NAV3: variants seen among roughly 807,000 people sequenced by gnomAD.
NAV3 encodes pore membrane and/or filament interacting like protein 1.
NAV3 carries 87 observed loss-of-function variants against 244.7 expected under a neutral mutation model. The observed-to-expected ratio is 0.36, with a 90% CI of 0.30 to 0.42. The LOEUF (loss-of-function observed/expected upper bound fraction) is 0.42. Ranked by LOEUF, NAV3 falls within the 20% of genes least tolerant of loss-of-function variation. The pLI is 1.00. For missense variants in NAV3, 2,663 were observed against 2,893.3 expected (o/e 0.92, Z 1.83); for synonymous variants, 1,126 against 1,042.2 (o/e 1.08, Z -1.55).
chr12:78,033,116 A>C (rs1050603726), intron 9 of NAV3, among the ~76,000 whole-genome samples: 1 of 152,172 alleles, frequency 6.6e-6, no homozygotes, highest in Non-Finnish European at 1.5e-5. Context: ...AAATAGAAGA[A>C]TTTAGGTTAA....
chr12:77,707,374 C>T lies in NAV3; in HGVS notation c.72+135108C>T, dbSNP rs186786656. 3.2e-4 allele frequency among the ~76,000 whole-genome samples: 48 copies of T among 152,218 alleles called. No individual in the cohort carries two copies. In the East Asian group the frequency reaches 9.1e-3, roughly 29 times the overall value. ...GTTTCCAGCTTCATCCATGTCCCTA[C>T]AAAGGACATGAACTCATCCTTTTTT... On this transcript the variant is annotated intron_variant, in intron 2 of 8. Transcript: ENST00000550042.
intron 5 of NAV3, among the ~76,000 whole-genome samples, chr12:77,994,242 A>T (rs1871948142): frequency 6.6e-6 from 1 of 152,238 alleles, no homozygotes; most frequent in African/African-American, 2.4e-5. Context: ...AACATCTTTT[A>T]TTGACTTCCT....
intron 2 of NAV3, among the ~76,000 whole-genome samples, chr12:77,590,933 C>G (rs913053926): frequency 2.0e-4 from 31 of 152,060 alleles, no homozygotes; most frequent in Admixed American, 4.6e-4. Flanking sequence ...GTTGTGATAA[C>G]AAAGGTGATA....
chr12:77,605,385 C>G (rs1477733406), intron 2 of NAV3, among the ~76,000 whole-genome samples: 1 of 152,064 alleles, frequency 6.6e-6, no homozygotes, highest in Non-Finnish European at 1.5e-5. Flanking sequence ...TGAGAAGGTT[C>G]AACCAATTGG....
chr12:78,116,829 C>T lies in NAV3; in HGVS notation c.2694C>T (p.Ser898=), dbSNP rs777128010. Residue 898 remains serine (S), a synonymous_variant, in exon 13 of 40, where the codon AGC becomes AGT. Coordinates refer to ENST00000397909, the MANE Select transcript of NAV3 (RefSeq NM_001024383.2). ...TCAGTGACACCCTTGATAACATCAG[C>T]ACTGATGACCTGAACACCACATCCT... is the stretch of plus-strand genomic sequence containing the variant. ...SGLSDTLDNI[S]TDDLNTTSSV... 3.1e-6 allele frequency: 5 copies of T among 1,612,620 alleles called. No homozygotes were observed. In the South Asian group the frequency reaches 4.4e-5, roughly 14 times the overall value.
intron 24 of NAV3, among the ~76,000 whole-genome samples, chr12:78,171,605 C>G (rs983148140): frequency 2.0e-5 from 3 of 151,494 alleles, no homozygotes; most frequent in African/African-American, 7.3e-5. Context: ...AATATTAAAA[C>G]TCAGCATTAA....
intron 2 of NAV3, among the ~76,000 whole-genome samples, chr12:77,779,674 T>C (rs1224956072): frequency 6.6e-6 from 1 of 152,208 alleles, no homozygotes; most frequent in Non-Finnish European, 1.5e-5. Flanking sequence ...TTTATATCCT[T>C]CAGGACACCT....
At chr12:77,826,139 T>C (rs980761302), upstream of NAV3, among the ~76,000 whole-genome samples, 10 of 152,124 alleles carry the variant, frequency 6.6e-5, no homozygotes, top group African/African-American at 2.2e-4. Context: ...TATATAGTTA[T>C]CAAATGACTC....
At chr12:77,975,722 T>C (rs1368448032) in intron 5 of NAV3, among the ~76,000 whole-genome samples, 2 of 152,160 alleles carry the variant, frequency 1.3e-5, no homozygotes, top group African/African-American at 4.8e-5. Flanking sequence ...GAAGAGTAGA[T>C]ATAATTCAAA....
chr12:78,033,247 T>C (rs1879291817), intron 9 of NAV3, among the ~76,000 whole-genome samples: 1 of 152,080 alleles, frequency 6.6e-6, no homozygotes, highest in Admixed American at 6.6e-5. Context: ...CCTTTTTTTT[T>C]TGAATGTTTA....
chr12:77,964,232 C>A (rs953882223), intron 3 of NAV3, among the ~76,000 whole-genome samples: 6 of 151,886 alleles, frequency 4.0e-5, no homozygotes, highest in African/African-American at 1.2e-4. Context: ...ACTCAATGAG[C>A]CTTTTCTGGA....
intron 3 of NAV3, among the ~76,000 whole-genome samples, chr12:77,956,504 T>C (rs151307409): frequency 6.6e-6 from 1 of 152,290 alleles, no homozygotes; most frequent in East Asian, 1.9e-4. Context: ...ATCTGGTTTA[T>C]GATTATTTAA....
chr12:77,852,249 T>C (rs1877640579), intron 1 of NAV3, among the ~76,000 whole-genome samples: 1 of 152,210 alleles, frequency 6.6e-6, no homozygotes, highest in Non-Finnish European at 1.5e-5. Context: ...AATTCTGTTA[T>C]TCTGACTGGG....
intron 2 of NAV3, among the ~76,000 whole-genome samples, chr12:77,704,003 C>T (rs763685987): frequency 2.0e-5 from 3 of 152,146 alleles, no homozygotes; most frequent in South Asian, 2.1e-4. Flanking sequence ...GTAACGCTAG[C>T]GCAAAGAAAT....
intron 22 of NAV3, 50 bp from the exon 23 acceptor site, chr12:78,159,152 TC>T (rs763659740): frequency 1.6e-5 from 24 of 1,495,740 alleles, no homozygotes; most frequent in Non-Finnish European, 2.2e-5. Context: ...TTTTCATCCA[TC>T]CACATAAGAT....
intron 8 of NAV3, among the ~76,000 whole-genome samples, chr12:78,009,000 C>T (rs1462067116): frequency 4.6e-5 from 7 of 152,110 alleles, no homozygotes; most frequent in Non-Finnish European, 7.4e-5. Flanking sequence ...AACATCAATC[C>T]TTTCAAAAAA....
chr12:77,992,445 T>C (rs2095230579), intron 5 of NAV3, among the ~76,000 whole-genome samples: 1 of 152,186 alleles, frequency 6.6e-6, no homozygotes, highest in Admixed American at 6.5e-5. Context: ...ATTTTCAGCC[T>C]ATATTATTAG....
intron 1 of NAV3, among the ~76,000 whole-genome samples, chr12:77,873,675 A>G (rs1212577591): frequency 1.5e-4 from 10 of 68,656 alleles, no homozygotes; most frequent in African/African-American, 4.8e-4. Flanking sequence ...CATGATTTGT[A>G]TGTGTATATA....
At chr12:78,178,064 G>A (rs1057462237) in intron 28 of NAV3, among the ~76,000 whole-genome samples, 2 of 150,928 alleles carry the variant, frequency 1.3e-5, no homozygotes, top group East Asian at 1.9e-4. Flanking sequence ...TTAAAAATTA[G>A]GCACAATAAG....
Sources: gnomAD v4.1 joint callset for allele counts (sites outside exome capture counted in the v4.1 genomes callset) on GRCh38, gnomAD v4.1.1 for gene constraint, MANE v1.5 for transcripts, NCBI Gene and HGNC (gene_info 2026-07-23, HGNC 2026-07-21) for gene names.